Variants in NRXN1 observed in about 807,000 individuals in gnomAD.
NRXN1 encodes neurexin-1.
Under a neutral mutation model 150.9 loss-of-function variants are expected in NRXN1, and 39 were observed. That is an observed-to-expected ratio of 0.26 (90% CI 0.20 to 0.34). The LOEUF (loss-of-function observed/expected upper bound fraction) is 0.34. Among genes scored for constraint, NRXN1 ranks in the 10% least tolerant of loss-of-function variants. NRXN1 has a pLI of 1.00. For missense variants in NRXN1, 1,815 were observed against 1,949.9 expected (o/e 0.93, Z 1.30); for synonymous variants, 924 against 757.0 (o/e 1.22, Z -3.62).
chr2:50,407,999 G>A (rs1174432750), intron 17 of NRXN1, among the ~76,000 whole-genome samples: 1 of 152,096 alleles, frequency 6.6e-6, no homozygotes, highest in South Asian at 2.1e-4. Context: ...TAAACTAAAT[G>A]TTAAATAATG....
intron 8 of NRXN1, among the ~76,000 whole-genome samples, chr2:50,590,828 T>C (rs1036803865): frequency 9.9e-5 from 15 of 152,130 alleles, no homozygotes; most frequent in African/African-American, 3.6e-4. Flanking sequence ...CCAATATTTG[T>C]TGTTTGAGCT....
At chr2:50,376,404 TC>T (rs2080500059) in intron 17 of NRXN1, among the ~76,000 whole-genome samples, 1 of 151,184 alleles carries the variant, frequency 6.6e-6, no homozygotes, top group Non-Finnish European at 1.5e-5. Context: ...ATAGCAAACC[TC>T]CCAAAACATA....
intron 5 of NRXN1, among the ~76,000 whole-genome samples, chr2:50,666,708 C>A (rs1403762285): frequency 6.6e-6 from 1 of 151,806 alleles, no homozygotes; most frequent in African/African-American, 2.4e-5. Flanking sequence ...ATAGATTATG[C>A]AGGTAAAAAA....
At chr2:50,787,712 TAAA>T (rs77473564) in intron 5 of NRXN1, among the ~76,000 whole-genome samples, 57 of 144,408 alleles carry the variant, frequency 3.9e-4, no homozygotes, top group African/African-American at 1.1e-3. Context: ...AAACATGTAT[TAAA>T]AAAAAAAAAA....
chr2:50,427,247 T>C (rs768039007), intron 17 of NRXN1, among the ~76,000 whole-genome samples: 18 of 151,760 alleles, frequency 1.2e-4, no homozygotes, highest in Non-Finnish European at 2.2e-4. Context: ...TGTAAATACA[T>C]AAAGTTGTGC....
At chr2:51,023,495 G>A (rs552930821) in intron 2 of NRXN1, among the ~76,000 whole-genome samples, 17 of 152,048 alleles carry the variant, frequency 1.1e-4, no homozygotes, top group African/African-American at 4.1e-4. Flanking sequence ...GCCTTAATTT[G>A]GTTAATTCTT....
chr2:50,968,920 T>A (rs1056399159), intron 2 of NRXN1, among the ~76,000 whole-genome samples: 1 of 152,138 alleles, frequency 6.6e-6, no homozygotes, highest in African/African-American at 2.4e-5. Flanking sequence ...AATTTCTATC[T>A]GGTTTAGAAA....
chr2:50,209,496 C>T (rs1368124041), intron 18 of NRXN1, among the ~76,000 whole-genome samples: 1 of 152,080 alleles, frequency 6.6e-6, no homozygotes, highest in African/African-American at 2.4e-5. Flanking sequence ...AATTAAGTAG[C>T]CCAAAACTGT....
At chr2:49,955,509 T>C (rs1483537739) in intron 21 of NRXN1, among the ~76,000 whole-genome samples, 1 of 152,080 alleles carries the variant, frequency 6.6e-6, no homozygotes, top group Admixed American at 6.6e-5. Flanking sequence ...AATAAGTTGG[T>C]CTTCCTGCTT....
intron 13 of NRXN1, among the ~76,000 whole-genome samples, chr2:50,499,234 AC>A (rs1372912406): frequency 1.3e-5 from 2 of 152,102 alleles, no homozygotes; most frequent in African/African-American, 4.8e-5. Flanking sequence ...ACTGTACTTA[AC>A]CCTATTTCAT....
At chr2:50,397,590 C>T (rs1049532538) in intron 17 of NRXN1, among the ~76,000 whole-genome samples, 1 of 152,052 alleles carries the variant, frequency 6.6e-6, no homozygotes, top group African/African-American at 2.4e-5. Context: ...TTGACCAGGA[C>T]ACAAGCTCCT....
intron 17 of NRXN1, among the ~76,000 whole-genome samples, chr2:50,252,230 G>GT (rs2067170909): frequency 5.8e-5 from 2 of 34,404 alleles, no homozygotes; most frequent in Admixed American, 3.6e-4. Flanking sequence ...AATACATTTT[G>GT]TCCTTTTTTT....
chr2:49,973,894 G>T lies in NRXN1; in HGVS notation c.4129-30103C>A, dbSNP rs192676980. Reference sequence around the variant, plus strand: ...TTATTTTCATTATTATTGTTTTTAGGCTTCTGGTATCTTAAACCCTGCATG... The same window carrying T: ...TTATTTTCATTATTATTGTTTTTAGTCTTCTGGTATCTTAAACCCTGCATG... On this transcript the variant is annotated intron_variant, in intron 21 of 22. Transcript: ENST00000401669. The T allele has an allele frequency of 9.1e-4, 583 of 637,654 alleles. 4 individuals carry two copies. The highest frequency in any genetic ancestry group is 1.7e-4 in the Non-Finnish European group (59 of 349,034). 39.5% of individuals were successfully genotyped at this position (637,654 alleles called of 1,614,324 possible). A position where few individuals can be genotyped will look rare whatever the true frequency, so the allele number is the denominator to read the frequency against.
chr2:51,001,309 T>G (rs192383663), intron 2 of NRXN1, among the ~76,000 whole-genome samples: 1 of 151,828 alleles, frequency 6.6e-6, no homozygotes, highest in South Asian at 2.1e-4. Context: ...AGAATTTTAT[T>G]AAGCAAGAGT....
chr2:50,680,804 C>T (rs1690271215), intron 5 of NRXN1, among the ~76,000 whole-genome samples: 1 of 151,566 alleles, frequency 6.6e-6, no homozygotes, highest in South Asian at 2.1e-4. Flanking sequence ...AAAGGATAAT[C>T]TGTTTGGATT....
At chr2:50,886,234 A>G (rs140529335) in intron 5 of NRXN1, among the ~76,000 whole-genome samples, 186 of 151,482 alleles carry the variant, frequency 1.2e-3, no homozygotes, top group African/African-American at 4.4e-3. Flanking sequence ...AGGCCCATAG[A>G]AATGAGGAGA....
chr2:50,252,775 CTA>C (rs1274635992), intron 17 of NRXN1, among the ~76,000 whole-genome samples: 1 of 151,992 alleles, frequency 6.6e-6, no homozygotes, highest in Non-Finnish European at 1.5e-5. Flanking sequence ...TTCCATTAGT[CTA>C]TGTGTCTGTG....
intron 5 of NRXN1, among the ~76,000 whole-genome samples, chr2:50,829,865 A>G (rs1251176916): frequency 1.3e-5 from 2 of 152,078 alleles, no homozygotes; most frequent in African/African-American, 4.8e-5. Flanking sequence ...TTAGAATTCT[A>G]GAGTTTGAAT....
intron 19 of NRXN1, among the ~76,000 whole-genome samples, chr2:50,079,716 A>G (rs756109371): frequency 3.9e-5 from 6 of 152,116 alleles, no homozygotes; most frequent in Non-Finnish European, 7.4e-5. Flanking sequence ...AAAATACTAA[A>G]TCATACAGAA....
Sources: gnomAD v4.1 joint callset for allele counts (sites outside exome capture counted in the v4.1 genomes callset) on GRCh38, gnomAD v4.1.1 for gene constraint, MANE v1.5 for transcripts, NCBI Gene and HGNC (gene_info 2026-07-23, HGNC 2026-07-21) for gene names.